Variants in PRMT2 observed in about 807,000 individuals in gnomAD.
The protein encoded by PRMT2 is protein arginine N-methyltransferase 2.
Under a neutral mutation model 57.6 loss-of-function variants are expected in PRMT2, and 26 were observed. That is an observed-to-expected ratio of 0.45 (90% CI 0.33 to 0.63). The LOEUF is 0.63. Ranked by LOEUF, PRMT2 falls within the 20% of genes least tolerant of loss-of-function variation. PRMT2 has a pLI of 0.02. For synonymous variants in PRMT2, 219 were observed against 220.0 expected (o/e 1.00, Z 0.04); for missense variants, 472 against 564.4 (o/e 0.84, Z 1.66).
At chr21:46,653,940 T>G in intron 7 of PRMT2, 1 of 964,508 alleles carries the variant, frequency 1.0e-6, no homozygotes, top group East Asian at 1.1e-4. Context: ...TTTCTTGTTT[T>G]TTTTTTTTTT....
rs962272532 is a variant in PRMT2 at position 46,664,447 on chromosome 21, T to C, written c.*120T>C. ...AAAGTCGGTGAACATTCACTCCACA[T>C]TGACCCCTCCCTAGCCTGGCAGGTG... On this transcript the variant is annotated 3_prime_UTR_variant, in exon 12 of 12. Transcript: ENST00000355680. 47 of 1,280,498 alleles carry C rather than the reference T, an allele frequency of 3.7e-5. No homozygotes were observed. The highest frequency in any genetic ancestry group is 4.8e-5 in the Non-Finnish European group (43 of 887,782). 79.3% of individuals were successfully genotyped at this position (1,280,498 alleles called of 1,614,324 possible).
intron 3 of PRMT2, among the ~76,000 whole-genome samples, chr21:46,638,908 T>C (rs2061221150): frequency 6.6e-6 from 1 of 152,200 alleles, no homozygotes; most frequent in Non-Finnish European, 1.5e-5. Flanking sequence ...GCTTTTGTCT[T>C]TATTTCATTC....
At chr21:46,660,131 A>G (rs752383038) in intron 8 of PRMT2, 129 of 973,622 alleles carry the variant, frequency 1.3e-4, no homozygotes, top group Non-Finnish European at 3.9e-5. Context: ...TAAAACATTC[A>G]CTTTTATTTG....
intron 7 of PRMT2, chr21:46,654,151 A>G (rs2061505853): frequency 1.0e-6 from 1 of 983,542 alleles, no homozygotes; most frequent in Non-Finnish European, 1.2e-6. Flanking sequence ...TATCCTAAGG[A>G]AATAATCAAA....
chr21:46,663,327 C>T, intron 10 of PRMT2, 56 bp from the exon 11 acceptor site: 2 of 1,545,980 alleles, frequency 1.3e-6, no homozygotes, highest in Non-Finnish European at 1.8e-6. Flanking sequence ...GCCCCGAGGG[C>T]CATGTGGAGA....
intron 7 of PRMT2, chr21:46,652,606 G>A (rs2061477213): frequency 1.0e-6 from 1 of 985,258 alleles, no homozygotes; most frequent in African/African-American, 1.7e-5. Context: ...TGAGGTTGTG[G>A]GGAAGTGTGC....
At chr21:46,663,912 T>C (rs1402145922) in intron 11 of PRMT2, among the ~76,000 whole-genome samples, 2 of 152,158 alleles carry the variant, frequency 1.3e-5, no homozygotes, top group Non-Finnish European at 2.9e-5. Flanking sequence ...CACAGGCCTC[T>C]GTGGCTTCCC....
At chr21:46,661,511 A>C (rs954533145) in intron 9 of PRMT2, 8 of 251,790 alleles carry the variant, frequency 3.2e-5, no homozygotes, top group Middle Eastern at 1.1e-3. Context: ...GGAAAGGCCC[A>C]GCCTGGAGCT....
chr21:46,663,376 C>T lies in PRMT2; in HGVS notation c.1098-7C>T. The stretch of plus-strand genomic sequence containing the variant: ...GCCTCCAGGTCACACGCACCCCTGT[C>T]TTGCAGCACCACACACTGGAAGCAG... On this transcript the variant is annotated splice_polypyrimidine_tract_variant and splice_region_variant and intron_variant, in intron 10 of 11. Coordinates refer to ENST00000355680, the MANE Select transcript of PRMT2 (RefSeq NM_206962.4). The T allele has an allele frequency of 6.2e-7, 1 of 1,607,698 alleles. No homozygotes were observed. Among genetic ancestry groups the T allele is most frequent in the Non-Finnish European group, 8.5e-7 (1 of 1,175,204 alleles).
In PRMT2 at chr21:46,649,696, A is replaced by T. The variant is rs777657853; in HGVS notation, c.611A>T (p.Lys204Met). 1 of 1,613,896 alleles carries T rather than the reference A, an allele frequency of 6.2e-7. No individual in the cohort carries two copies. Among genetic ancestry groups the T allele is most frequent in the South Asian group, 1.1e-5 (1 of 91,060 alleles). Reference sequence around the variant, plus strand: ...GTGGAGGATGTGGTGCTGCCCGAGAAGGTGGACGTGCTGGTGTCTGAGTGG... The same window carrying T: ...GTGGAGGATGTGGTGCTGCCCGAGATGGTGGACGTGCTGGTGTCTGAGTGG... ...QKVEDVVLPEKVDVLVSEWMG... is the reference protein window; with the variant it reads ...QKVEDVVLPEMVDVLVSEWMG... The change falls in exon 7 of 12, where the codon AAG becomes ATG. Residue 204 changes from lysine to methionine, a missense_variant. Transcript: ENST00000355680. This position sits in a 1 kb window ranked among gnomAD's most constrained non-coding sequence, Gnocchi z 4.8.
chr21:46,638,241 G>A (rs1438828477), intron 3 of PRMT2, among the ~76,000 whole-genome samples: 2 of 152,140 alleles, frequency 1.3e-5, no homozygotes, highest in Non-Finnish European at 2.9e-5. Flanking sequence ...AGTTGTCCTT[G>A]TTATGTGTGT....
At chr21:46,661,062 G>T in intron 9 of PRMT2, 100 bp downstream of exon 9, 1 of 1,186,732 alleles carries the variant, frequency 8.4e-7, no homozygotes. Flanking sequence ...GAGTGCTGGG[G>T]GTGTGAGTGA....
intron 7 of PRMT2, chr21:46,653,530 A>T: frequency 5.9e-6 from 6 of 1,023,562 alleles, no homozygotes; most frequent in Non-Finnish European, 7.0e-6. Context: ...CGATCTACAC[A>T]GGGCACCCTG....
Position 46,644,376 on chromosome 21 carries a change from G to T in PRMT2, c.215G>T (p.Arg72Leu), listed in dbSNP as rs770525653. The change falls in exon 5 of 12, where the codon CGT becomes CTT. Residue 72 changes from arginine (R) to leucine (L), a missense_variant. This residue lies in a region of PRMT2 where 243 missense variants were observed against 347.2 expected (regional missense o/e 0.70). Coordinates refer to ENST00000355680, the MANE Select transcript of PRMT2 (RefSeq NM_206962.4). ...QTTADWWWGE[R>L]AGCCGYIPAN... is the part of the protein sequence containing the mutation. ...ACTGCAGATTGGTGGTGGGGTGAGC[G>T]TGCGGGCTGCTGTGGGTACATTCCG... The T allele has an allele frequency of 1.9e-6, 3 of 1,612,330 alleles. No individual in the cohort carries two copies. The highest frequency in any genetic ancestry group is 2.5e-6 in the Non-Finnish European group (3 of 1,179,288).
chr21:46,661,233 C>A, intron 9 of PRMT2: 1 of 282,118 alleles, frequency 3.5e-6, no homozygotes, highest in Non-Finnish European at 6.5e-6. Context: ...TTAATATTCT[C>A]AGCATCTTCA....
chr21:46,658,400 C>A, intron 7 of PRMT2: 1 of 203,446 alleles, frequency 4.9e-6, no homozygotes. Flanking sequence ...CAGTTGGGAC[C>A]CGGCAACACT....
intron 3 of PRMT2, among the ~76,000 whole-genome samples, chr21:46,639,782 GC>G (rs1337034692): frequency 6.6e-6 from 1 of 151,484 alleles, no homozygotes; most frequent in Non-Finnish European, 1.5e-5. Flanking sequence ...CTCGTAAAGA[GC>G]TAGTTGGGTC....
chr21:46,662,891 T>C (rs940874117), intron 10 of PRMT2, among the ~76,000 whole-genome samples: 4 of 152,234 alleles, frequency 2.6e-5, no homozygotes, highest in Non-Finnish European at 4.4e-5. Context: ...TCTGTCTGTG[T>C]ACACCACAGT....
At chr21:46,653,001 A>C in intron 7 of PRMT2, 1 of 1,198,806 alleles carries the variant, frequency 8.3e-7, no homozygotes, top group Non-Finnish European at 1.1e-6. Context: ...GAGGATCTCC[A>C]TTGCACATTT....
Sources: allele counts gnomAD v4.1 joint callset (sites outside exome capture counted in the v4.1 genomes callset), GRCh38; gene constraint gnomAD v4.1.1; regional missense constraint gnomAD v4.1.1; non-coding constraint Gnocchi (gnomAD v3.1); transcripts MANE v1.5; gene names NCBI Gene and HGNC (gene_info 2026-07-23, HGNC 2026-07-21).